The following SUSD6 variants were observed in gnomAD, a reference collection of about 807,000 sequenced individuals.
SUSD6 encodes the protein sushi domain-containing protein 6.
SUSD6 carries 16 observed loss-of-function variants against 28.4 expected under a neutral mutation model. That is an observed-to-expected ratio of 0.56 (90% CI 0.38 to 0.86). The LOEUF is 0.86. SUSD6 is among the 40% of genes least tolerant of loss of function. SUSD6 has a pLI of 0.00. For synonymous variants in SUSD6, 147 were observed against 159.6 expected (o/e 0.92, Z 0.59); for missense variants, 341 against 384.2 (o/e 0.89, Z 0.94).
chr14:69,679,949 A>G (rs1885974356), intron 2 of SUSD6, among the ~76,000 whole-genome samples: 1 of 152,182 alleles, frequency 6.6e-6, no homozygotes, highest in African/African-American at 2.4e-5. Flanking sequence ...AAACACTTAT[A>G]TGGCCTGAAT....
chr14:69,640,896 C>T (rs1885341980), intron 1 of SUSD6, among the ~76,000 whole-genome samples: 1 of 152,212 alleles, frequency 6.6e-6, no homozygotes, highest in Admixed American at 6.5e-5. Flanking sequence ...AGATATAAAA[C>T]ATGGGTAAAT....
intron 2 of SUSD6, among the ~76,000 whole-genome samples, chr14:69,665,826 C>T (rs955871952): frequency 3.3e-5 from 5 of 152,162 alleles, no homozygotes; most frequent in Non-Finnish European, 7.3e-5. Context: ...TGCTTGCATT[C>T]CTTGCTGCTT....
chr14:69,625,298 T>C (rs999411943), intron 1 of SUSD6, among the ~76,000 whole-genome samples: 3 of 152,236 alleles, frequency 2.0e-5, no homozygotes, highest in Non-Finnish European at 4.4e-5. Context: ...CCAGTAAATA[T>C]TAACTGTTAT....
intron 2 of SUSD6, among the ~76,000 whole-genome samples, chr14:69,686,220 C>G (rs888379069): frequency 2.0e-5 from 3 of 152,188 alleles, no homozygotes; most frequent in African/African-American, 7.2e-5. Flanking sequence ...GAAAAAAACA[C>G]ACATAGCCAA....
At chr14:69,663,932 A>T (rs1885699118) in intron 2 of SUSD6, among the ~76,000 whole-genome samples, 3 of 151,618 alleles carry the variant, frequency 2.0e-5, no homozygotes, top group Admixed American at 2.0e-4. Context: ...TAAAAAGGAT[A>T]CAAGAGTCAT....
chr14:69,660,392 T>C (rs1885644840), intron 2 of SUSD6, among the ~76,000 whole-genome samples: 2 of 152,198 alleles, frequency 1.3e-5, no homozygotes, highest in Admixed American at 1.3e-4. Flanking sequence ...CTTTTCCCCC[T>C]AGGCATGAGG....
At chr14:69,621,471 G>A (rs1245531257) in intron 1 of SUSD6, among the ~76,000 whole-genome samples, 12 of 152,266 alleles carry the variant, frequency 7.9e-5, no homozygotes, top group Middle Eastern at 6.8e-3. Context: ...GGGTATTAGA[G>A]GTTGTCCAGA....
chr14:69,621,031 A>C (rs1179430561), intron 1 of SUSD6, among the ~76,000 whole-genome samples: 1 of 152,166 alleles, frequency 6.6e-6, no homozygotes, highest in Non-Finnish European at 1.5e-5. Context: ...TAAAGGACCT[A>C]GTTCCCAGTA....
At chr14:69,694,785 T>C (rs1438886671) in intron 2 of SUSD6, among the ~76,000 whole-genome samples, 2 of 152,132 alleles carry the variant, frequency 1.3e-5, no homozygotes, top group East Asian at 1.9e-4. Context: ...TTCCCTCTCC[T>C]GTGAGGGGGA....
At chr14:69,666,200 A>G (rs1353176128) in intron 2 of SUSD6, among the ~76,000 whole-genome samples, 1 of 152,208 alleles carries the variant, frequency 6.6e-6, no homozygotes, top group African/African-American at 2.4e-5. Context: ...AAATTCTCAA[A>G]TAACACATGT....
chr14:69,616,768 T>C (rs1462102346), intron 1 of SUSD6, among the ~76,000 whole-genome samples: 1 of 152,230 alleles, frequency 6.6e-6, no homozygotes, highest in African/African-American at 2.4e-5. Flanking sequence ...CAGATGGTAG[T>C]ACCTGTACAT....
intron 2 of SUSD6, among the ~76,000 whole-genome samples, chr14:69,668,893 T>G (rs1028122767): frequency 2.0e-5 from 3 of 151,892 alleles, no homozygotes; most frequent in Non-Finnish European, 2.9e-5. Context: ...CCATGTGATG[T>G]GCCTGTTCCC....
intron 2 of SUSD6, among the ~76,000 whole-genome samples, chr14:69,664,055 T>C (rs1044802763): frequency 6.6e-6 from 1 of 151,806 alleles, no homozygotes; most frequent in South Asian, 2.1e-4. Context: ...CTCGGCTCAC[T>C]GCAAGCTCCA....
chr14:69,679,742 A>G (rs1416634454), intron 2 of SUSD6, among the ~76,000 whole-genome samples: 1 of 152,088 alleles, frequency 6.6e-6, no homozygotes, highest in Non-Finnish European at 1.5e-5. Flanking sequence ...CTATTATTTT[A>G]CTATGTCAAT....
intron 2 of SUSD6, among the ~76,000 whole-genome samples, chr14:69,698,600 G>T (rs1368133810): frequency 6.6e-6 from 1 of 152,188 alleles, no homozygotes; most frequent in Non-Finnish European, 1.5e-5. Flanking sequence ...CTGAAAGGTT[G>T]GCCTGCAAAA....
intron 2 of SUSD6, among the ~76,000 whole-genome samples, chr14:69,690,976 A>G (rs780237387): frequency 1.3e-5 from 2 of 151,882 alleles, no homozygotes; most frequent in Non-Finnish European, 2.9e-5. Context: ...GTGGGACCCC[A>G]CCCCCCAGAA....
intron 2 of SUSD6, among the ~76,000 whole-genome samples, chr14:69,700,076 C>G (rs1426055296): frequency 2.6e-5 from 4 of 152,280 alleles, no homozygotes; most frequent in Middle Eastern, 3.4e-3. Context: ...CATGGAGCCT[C>G]CACTCTGAAC....
At chr14:69,704,152 A>AGCTGTGGATCTTAAGACAAGGTTTT in intron 3 of SUSD6, among the ~76,000 whole-genome samples, 1 of 152,334 alleles carries the variant, frequency 6.6e-6, no homozygotes, top group Non-Finnish European at 1.5e-5. Context: ...TTACAATTAA[A>AGCTGTGGATCTTAAGACAAGGTTTT]GCTGTGGATC....
chr14:69,622,794 A>G (rs1034234345), intron 1 of SUSD6, among the ~76,000 whole-genome samples: 5 of 152,096 alleles, frequency 3.3e-5, no homozygotes, highest in African/African-American at 4.8e-5. Context: ...AAGTTTCACT[A>G]TGTTGGTCAG....
Sources: gnomAD v4.1 joint callset for allele counts (sites outside exome capture counted in the v4.1 genomes callset) on GRCh38, gnomAD v4.1.1 for gene constraint, MANE v1.5 for transcripts, NCBI Gene and HGNC (gene_info 2026-07-23, HGNC 2026-07-21) for gene names.